E2F5: variants seen among roughly 807,000 people sequenced by gnomAD.
The protein encoded by E2F5 is E2F transcription factor 5.
In E2F5, 23 loss-of-function variants were observed where a neutral mutation model predicts 39.1. The observed-to-expected ratio is 0.59, with a 90% confidence interval of 0.42 to 0.83. E2F5 has a LOEUF of 0.83. Among genes scored for constraint, E2F5 ranks in the 40% least tolerant of loss-of-function variants. The pLI is 0.00. For missense variants in E2F5, 365 were observed against 406.7 expected, an observed-to-expected ratio of 0.90 and a Z score of 0.88; for synonymous variants, 145 against 157.8, an observed-to-expected ratio of 0.92 and a Z score of 0.61.
chr8:85,177,403 C>T lies in E2F5; in HGVS notation c.-18C>T, dbSNP rs1812105342. The stretch of plus-strand genomic sequence containing the variant: ...GCGAAAGTGCGCGGGGGCCCGACCA[C>T]CGCGGGGCCGGGACGCGATGGCGGC... On this transcript the variant is annotated 5_prime_UTR_variant, in exon 1 of 8. Transcript: ENST00000416274. The T allele has an allele frequency of 1.1e-5, 11 of 987,518 alleles. No homozygotes were observed. In the South Asian group the frequency reaches 4.6e-4, roughly 41 times the overall value. 61.2% of individuals were successfully genotyped at this position (987,518 alleles called of 1,614,324 possible). A position where few individuals can be genotyped will look rare whatever the true frequency, so the allele number is the denominator to read the frequency against.
chr8:85,181,191 A>G lies in E2F5; in HGVS notation c.234+3537A>G, dbSNP rs189511000. On this transcript the variant is annotated intron_variant, in intron 1 of 7. Transcript: ENST00000416274. ...GAAACAGTTTTTGAATATCCCAAAG[A>G]ATAAAAAAGTATATCAAACTTCAAG... Among the ~76,000 whole-genome samples, 518 of 152,264 alleles carry G rather than the reference A, an allele frequency of 3.4e-3. 4 individuals carry two copies. The highest frequency in any genetic ancestry group is 5.6e-3 in the Non-Finnish European group (382 of 68,012).
intron 1 of E2F5, among the ~76,000 whole-genome samples, chr8:85,179,486 T>A (rs533322596): frequency 9.2e-5 from 14 of 152,182 alleles, no homozygotes; most frequent in Non-Finnish European, 1.9e-4. Flanking sequence ...TCTGGAACTC[T>A]CCTAAAAATT....
In E2F5 at chr8:85,207,428, A is replaced by T. The variant is rs1429176505; in HGVS notation, c.554A>T (p.Asp185Val). The T allele has an allele frequency of 2.4e-5, 37 of 1,556,504 alleles. No homozygotes were observed. The highest frequency in any genetic ancestry group is 7.1e-5 in the South Asian group (6 of 84,364). ...TTTTATATTTATTTTTGACCAGGTG[A>T]TACACTTTTGGCCATTCAGGCACCT... ...HEDICNCFNG[D>V]TLLAIQAPSG... Residue 185 changes from aspartate (D) to valine (V), a missense_variant, in exon 5 of 8, where the codon GAT becomes GTT. Asp to Val is a radical substitution (Grantham distance 152). Coordinates refer to ENST00000416274, the MANE Select transcript of E2F5 (RefSeq NM_001951.4).
intron 1 of E2F5, among the ~76,000 whole-genome samples, chr8:85,182,683 G>T (rs2136040007): frequency 6.6e-6 from 1 of 152,282 alleles, no homozygotes; most frequent in East Asian, 1.9e-4. Flanking sequence ...AGATAGTCAT[G>T]ACTATGTATC....
At chr8:85,209,454 T>C in intron 6 of E2F5, 45 bp downstream of exon 6, 8 of 1,532,478 alleles carry the variant, frequency 5.2e-6, no homozygotes, top group Non-Finnish European at 7.0e-6. Flanking sequence ...GGGAGAAATA[T>C]AAAAACAGGT....
intron 2 of E2F5, among the ~76,000 whole-genome samples, chr8:85,202,637 C>G (rs1031166569): frequency 2.0e-5 from 3 of 152,142 alleles, no homozygotes; most frequent in Non-Finnish European, 4.4e-5. Context: ...TTAATTGTGG[C>G]CTGGTTATAC....
At chr8:85,193,084 C>T (rs761694609) in intron 1 of E2F5, among the ~76,000 whole-genome samples, 7 of 152,146 alleles carry the variant, frequency 4.6e-5, no homozygotes, top group Non-Finnish European at 4.4e-5. Context: ...TACATACATA[C>T]ATAAAATAAA....
intron 1 of E2F5, among the ~76,000 whole-genome samples, chr8:85,201,242 A>C (rs1030350979): frequency 6.8e-4 from 103 of 152,336 alleles, no homozygotes; most frequent in African/African-American, 2.3e-3. Context: ...GCTGTTAGCA[A>C]TTATGTGAAG....
At chr8:85,182,294 C>T (rs1208301778) in intron 1 of E2F5, among the ~76,000 whole-genome samples, 1 of 152,200 alleles carries the variant, frequency 6.6e-6, no homozygotes, top group Non-Finnish European at 1.5e-5. Flanking sequence ...ATCCTCTTAA[C>T]AACAGTGAAC....
At chr8:85,213,084 G>T (rs1019041423) in intron 7 of E2F5, 1 of 151,978 alleles carries the variant, frequency 6.6e-6, no homozygotes, top group African/African-American at 2.4e-5. Context: ...TTTTAGTAGA[G>T]ACGGGGTTTC....
At position 85,177,537 on chromosome 8, in the gene E2F5, G is replaced by C; in HGVS notation, c.117G>C (p.Pro39=). The C allele has an allele frequency of 8.4e-7, 1 of 1,196,806 alleles. No homozygotes were observed. Among genetic ancestry groups the C allele is most frequent in the Non-Finnish European group, 1.0e-6 (1 of 964,908 alleles). The allele number at this position is 1,196,806 out of a possible 1,614,324, so 74.1% of individuals were successfully genotyped here. A position where few individuals can be genotyped will look rare whatever the true frequency, so the allele number is the denominator to read the frequency against. Residue 39 remains proline (P), a synonymous_variant, in exon 1 of 8, where the codon CCG becomes CCC. Coordinates refer to ENST00000416274, the MANE Select transcript of E2F5 (RefSeq NM_001951.4). The stretch of plus-strand genomic sequence containing the variant: ...AAGCCCCGCAGCCGCCCCCGCCGCC[G>C]CAGCTCGGGGGCGCCGGGGGCGGCA... ...QAQAPQPPPP[P]QLGGAGGGSS... is the part of the protein sequence containing the mutation.
At chr8:85,179,465 G>GC (rs890419105) in intron 1 of E2F5, among the ~76,000 whole-genome samples, 1 of 152,024 alleles carries the variant, frequency 6.6e-6, no homozygotes, top group African/African-American at 2.4e-5. Flanking sequence ...GACAATAATT[G>GC]CTTTATTCAT....
At chr8:85,179,596 CAT>C (rs140115358) in intron 1 of E2F5, among the ~76,000 whole-genome samples, 6,213 of 151,854 alleles carry the variant, frequency 0.041, 399 homozygotes, top group African/African-American at 0.14. Flanking sequence ...GTATGAAAAA[CAT>C]ATGTTTTATG....
At chr8:85,207,715 GTCATTTATTGATA>G (rs1246629472) in intron 5 of E2F5, among the ~76,000 whole-genome samples, 2 of 138,190 alleles carry the variant, frequency 1.4e-5, no homozygotes, top group Non-Finnish European at 3.1e-5. Flanking sequence ...TATATCCTTA[GTCATTTATTGATA>G]TCATTTAGCT....
intron 1 of E2F5, among the ~76,000 whole-genome samples, chr8:85,183,818 A>T (rs1209803893): frequency 6.6e-6 from 1 of 152,224 alleles, no homozygotes. Flanking sequence ...CATATGTTGA[A>T]GGCCTTACCT....
At chr8:85,177,866 G>C (rs557247154) in intron 1 of E2F5, 23 of 841,834 alleles carry the variant, frequency 2.7e-5, no homozygotes, top group Middle Eastern at 9.7e-4. Flanking sequence ...GAGCGGACGC[G>C]TAACCAATGG....
chr8:85,193,717 G>A (rs370405723), intron 1 of E2F5, among the ~76,000 whole-genome samples: 11 of 152,196 alleles, frequency 7.2e-5, no homozygotes, highest in African/African-American at 2.2e-4. Flanking sequence ...AGAGTTTCAC[G>A]TCAGTGAAGT....
intron 6 of E2F5, 61 bp downstream of exon 6, chr8:85,209,470 C>G (rs776103105): frequency 1.3e-6 from 2 of 1,505,420 alleles, no homozygotes; most frequent in Non-Finnish European, 1.8e-6. Context: ...CAGGTTGGCT[C>G]TCTTATCCAA....
At position 85,177,543 on chromosome 8, in the gene E2F5, C is replaced by T. The variant is rs764926390; in HGVS notation, c.123C>T (p.Leu41=). 1 of 1,218,334 alleles carries T rather than the reference C, an allele frequency of 8.2e-7. No homozygotes were observed. The highest frequency in any genetic ancestry group is 1.0e-6 in the Non-Finnish European group (1 of 977,786). 75.5% of individuals were successfully genotyped at this position (1,218,334 alleles called of 1,614,324 possible). Residue 41 remains leucine (L), a synonymous_variant, in exon 1 of 8, where the codon CTC becomes CTT. Transcript: ENST00000416274. Reference sequence around the variant, plus strand: ...CGCAGCCGCCCCCGCCGCCGCAGCTCGGGGGCGCCGGGGGCGGCAGCAGCA... The same window carrying T: ...CGCAGCCGCCCCCGCCGCCGCAGCTTGGGGGCGCCGGGGGCGGCAGCAGCA... ...QAPQPPPPPQ[L]GGAGGGSSRH...
Sources: allele counts gnomAD v4.1 joint callset (sites outside exome capture counted in the v4.1 genomes callset), GRCh38; gene constraint gnomAD v4.1.1; transcripts MANE v1.5; gene names NCBI Gene and HGNC (gene_info 2026-07-23, HGNC 2026-07-21).